The following ZNF317 variants were observed in gnomAD, a reference collection of about 807,000 sequenced individuals.
ZNF317 encodes the protein KRAB-containing zinc finger protein 317.
Under a neutral mutation model 23.4 loss-of-function variants are expected in ZNF317, and 17 were observed. The ratio of observed to expected loss-of-function variants is 0.73; its 90% CI spans 0.50 to 1.09. The LOEUF (loss-of-function observed/expected upper bound fraction) is 1.09. Among genes scored for constraint, ZNF317 ranks in the 50% least tolerant of loss-of-function variants. The pLI is 0.00. For synonymous variants in ZNF317, 317 were observed against 314.9 expected (o/e 1.01, Z -0.07); for missense variants, 679 against 796.7 (o/e 0.85, Z 1.78).
At chr19:9,149,709 C>T (rs561737061) in intron 1 of ZNF317, among the ~76,000 whole-genome samples, 4 of 152,070 alleles carry the variant, frequency 2.6e-5, no homozygotes, top group South Asian at 2.1e-4. Context: ...GTGGGTGAGG[C>T]GGCAGGGACC....
chr19:9,146,495 T>G (rs146461414), intron 1 of ZNF317, among the ~76,000 whole-genome samples: 3 of 151,482 alleles, frequency 2.0e-5, no homozygotes, highest in African/African-American at 7.3e-5. Flanking sequence ...TGGCATGATC[T>G]TGGCTTACTG....
intron 6 of ZNF317, among the ~76,000 whole-genome samples, chr19:9,159,261 G>A (rs145351796): frequency 5.3e-5 from 8 of 152,194 alleles, no homozygotes; most frequent in African/African-American, 1.9e-4. Context: ...GTTGCCCAGT[G>A]CAGTGGGCAA....
intron 1 of ZNF317, among the ~76,000 whole-genome samples, chr19:9,141,724 G>T (rs942974650): frequency 7.9e-5 from 12 of 151,632 alleles, no homozygotes; most frequent in African/African-American, 2.9e-4. Flanking sequence ...TCGTTTTTAT[G>T]CCATTGAGTT....
intron 4 of ZNF317, 109 bp from the exon 5 acceptor site, chr19:9,157,871 A>T: frequency 7.0e-7 from 1 of 1,424,814 alleles, no homozygotes; most frequent in Non-Finnish European, 9.2e-7. Context: ...CCTAAGTCAG[A>T]CTTGTCCACC....
At chr19:9,142,845 T>C (rs2050646482) in intron 1 of ZNF317, among the ~76,000 whole-genome samples, 2 of 152,188 alleles carry the variant, frequency 1.3e-5, no homozygotes, top group African/African-American at 2.4e-5. Context: ...GCTAATACTT[T>C]GTTTGGTGTT....
At chr19:9,159,524 TTTGTTTTTGTTG>T (rs2050823240) in intron 6 of ZNF317, among the ~76,000 whole-genome samples, 2 of 146,204 alleles carry the variant, frequency 1.4e-5, no homozygotes, top group South Asian at 4.3e-4. Flanking sequence ...TTTTTGTTTG[TTTGTTTTTGTTG>T]TTGTTTTTGT....
intron 1 of ZNF317, among the ~76,000 whole-genome samples, chr19:9,149,812 T>A (rs1600224951): frequency 6.6e-6 from 1 of 152,124 alleles, no homozygotes; most frequent in African/African-American, 2.4e-5. Flanking sequence ...GTTACGGCTG[T>A]CATGGAAGCT....
At chr19:9,148,275 A>G (rs111629712) in intron 1 of ZNF317, among the ~76,000 whole-genome samples, 7,391 of 152,286 alleles carry the variant, frequency 0.049, 262 homozygotes, top group Non-Finnish European at 0.076. Context: ...AAGTGATAGA[A>G]TCACTCAGGT....
In ZNF317 at chr19:9,160,746, C is replaced by T. The variant is rs745309602; in HGVS notation, c.1101C>T (p.Cys367=). 6.8e-6 allele frequency: 11 copies of T among 1,613,524 alleles called. No individual in the cohort carries two copies. The highest frequency in any genetic ancestry group is 1.7e-5 in the Admixed American group (1 of 59,960). Reference sequence around the variant, plus strand: ...AGAAGCCCTACGCGTGCACGCAGTGCGGCAAAGCCTTCCGCTGGAAGTCCA... The same window carrying T: ...AGAAGCCCTACGCGTGCACGCAGTGTGGCAAAGCCTTCCGCTGGAAGTCCA... The part of the protein sequence containing the change: ...TGEKPYACTQ[C]GKAFRWKSNF... Residue 367 remains cysteine, a synonymous_variant, in exon 7 of 7, where the codon TGC becomes TGT. Transcript: ENST00000247956. The surrounding 1 kb of genome is among the most constrained non-coding windows in gnomAD (Gnocchi z 6.8).
In ZNF317 at chr19:9,161,360, C is replaced by T. The variant is rs1183411382; in HGVS notation, c.1715C>T (p.Ser572Phe). 6.2e-7 allele frequency: 1 copy of T among 1,614,216 alleles called. No homozygotes were observed. The highest frequency in any genetic ancestry group is 8.5e-7 in the Non-Finnish European group (1 of 1,180,036). Residue 572 changes from serine (S) to phenylalanine (F), a missense_variant, in exon 7 of 7, where the codon TCC (serine) becomes TTC (phenylalanine). By Grantham distance (155) the Ser-to-Phe change is radical. Coordinates refer to ENST00000247956, the MANE Select transcript of ZNF317 (RefSeq NM_020933.5). The surrounding 1 kb of genome is among the most constrained non-coding windows in gnomAD (Gnocchi z 4.0). ...GGGAAAGCCTTCAGCGACCACTCAT[C>T]CCTCAGGAGCCACGTGAAAACTCAC... ...VCGKAFSDHS[S>F]LRSHVKTHRG...
rs567598493 is a variant in ZNF317, at chr19:9,162,404, T to C, written c.*971T>C. 1.3e-5 allele frequency: 2 copies of C among 152,188 alleles called. No individual in the cohort carries two copies. Among genetic ancestry groups the C allele is most frequent in the East Asian group, 1.9e-4 (1 of 5,174 alleles). The allele number at this position is 152,188 out of a possible 1,614,324, so 9.4% of individuals were successfully genotyped here. A position where few individuals can be genotyped will look rare whatever the true frequency, so the allele number is the denominator to read the frequency against. ...CACTTACGCTAGGAGAAATTTCTTT[T>C]ACAAAACTTTTAAAATACAATTAGT... On this transcript the variant is annotated 3_prime_UTR_variant, in exon 7 of 7. Coordinates refer to ENST00000247956, the MANE Select transcript of ZNF317 (RefSeq NM_020933.5).
chr19:9,160,761 C>T lies in ZNF317; in HGVS notation c.1116C>T (p.Arg372=). 1 of 1,614,084 alleles carries T rather than the reference C, an allele frequency of 6.2e-7. No homozygotes were observed. Residue 372 remains arginine, a synonymous_variant, in exon 7 of 7, where the codon CGC becomes CGT. Coordinates refer to ENST00000247956, the MANE Select transcript of ZNF317 (RefSeq NM_020933.5). This position sits in a 1 kb window ranked among gnomAD's most constrained non-coding sequence, Gnocchi z 6.8. ...YACTQCGKAF[R]WKSNFNLHKK... is the part of the protein sequence containing the mutation. ...GCACGCAGTGCGGCAAAGCCTTCCG[C>T]TGGAAGTCCAACTTTAATTTGCACA...
chr19:9,157,816 T>A, intron 4 of ZNF317, 164 bp from the exon 5 acceptor site: 3 of 1,384,780 alleles, frequency 2.2e-6, no homozygotes, highest in Non-Finnish European at 2.8e-6. Flanking sequence ...AGTCAAAAAC[T>A]TTTACTGTGT....
intron 2 of ZNF317, 116 bp from the exon 3 acceptor site, chr19:9,156,496 A>T: frequency 7.5e-7 from 1 of 1,325,666 alleles, no homozygotes; most frequent in Non-Finnish European, 1.0e-6. Flanking sequence ...GAAGAGAGAG[A>T]GAGGATTGAG....
intron 1 of ZNF317, among the ~76,000 whole-genome samples, chr19:9,142,031 C>T (rs1174261827): frequency 2.6e-5 from 4 of 152,168 alleles, no homozygotes; most frequent in Admixed American, 1.3e-4. Flanking sequence ...GTCTCGATCT[C>T]CTGACCTCAG....
At chr19:9,144,623 T>C (rs989697971) in intron 1 of ZNF317, among the ~76,000 whole-genome samples, 3 of 152,232 alleles carry the variant, frequency 2.0e-5, no homozygotes, top group African/African-American at 7.2e-5. Context: ...GGTTTTCTTA[T>C]GCATTTTCAT....
intron 1 of ZNF317, among the ~76,000 whole-genome samples, chr19:9,145,036 G>A (rs2050670818): frequency 6.6e-6 from 1 of 152,120 alleles, no homozygotes; most frequent in Non-Finnish European, 1.5e-5. Context: ...TCAGCTGTCA[G>A]TCTAATGTTT....
intron 1 of ZNF317, among the ~76,000 whole-genome samples, chr19:9,149,180 A>G (rs1368846881): frequency 6.6e-6 from 1 of 152,202 alleles, no homozygotes; most frequent in East Asian, 1.9e-4. Context: ...TTAGGGAAAA[A>G]GAAAAGGAGT....
chr19:9,142,666 T>C (rs75054870), intron 1 of ZNF317, among the ~76,000 whole-genome samples: 2,026 of 152,188 alleles, frequency 0.013, 47 homozygotes, highest in African/African-American at 0.047. Flanking sequence ...CCTTAAATTA[T>C]GGCACTCAGT....
Sources: allele counts gnomAD v4.1 joint callset (sites outside exome capture counted in the v4.1 genomes callset), GRCh38; gene constraint gnomAD v4.1.1; non-coding constraint Gnocchi (gnomAD v3.1); transcripts MANE v1.5; gene names NCBI Gene and HGNC (gene_info 2026-07-23, HGNC 2026-07-21).